Variants in VPS13B observed in about 807,000 individuals in gnomAD.
VPS13B encodes the protein vacuolar protein sorting 13 homolog B, also known as intermembrane lipid transfer protein VPS13B.
In VPS13B, 285 loss-of-function variants were observed where a neutral mutation model predicts 426.4. The observed-to-expected ratio is 0.67, with a 90% CI of 0.61 to 0.74. The LOEUF is 0.74. Ranked by LOEUF, VPS13B falls within the 30% of genes least tolerant of loss-of-function variation. VPS13B has a pLI of 0.00. For missense variants in VPS13B, 4,537 were observed against 4,782.6 expected, an observed-to-expected ratio of 0.95 and a Z score of 1.51; for synonymous variants, 1,676 against 1,676.4, an observed-to-expected ratio of 1.00 and a Z score of 0.01.
At chr8:99,286,480 A>G (rs1260519894) in intron 19 of VPS13B, among the ~76,000 whole-genome samples, 1 of 152,196 alleles carries the variant, frequency 6.6e-6, no homozygotes, top group Non-Finnish European at 1.5e-5. Context: ...TAATATCAAA[A>G]TAGATTTGGA....
rs149619035 is a variant in VPS13B, at chr8:99,422,337, A to G, written c.3083-9200A>G. Among the ~76,000 whole-genome samples the G allele has an allele frequency of 1.1e-3, 169 of 152,276 alleles. 2 individuals carry two copies. Among genetic ancestry groups the G allele is most frequent in the African/African-American group, 3.6e-3 (150 of 41,552 alleles). ...AGAGAACATAGTATTTACAAAAAAC[A>G]TGTAGCTGTTTTGGTTAGTGGCGAC... On this transcript the variant is annotated intron_variant, in intron 21 of 61. Transcript: ENST00000357162.
intron 8 of VPS13B, among the ~76,000 whole-genome samples, chr8:99,128,471 T>G (rs1809569303): frequency 6.9e-6 from 1 of 145,956 alleles, no homozygotes; most frequent in Non-Finnish European, 1.5e-5. Flanking sequence ...GTATGTTTTC[T>G]ACAAATATTT....
chr8:99,502,917 TAGAG>T lies in VPS13B; in HGVS notation c.4127_4130del (p.Glu1376ValfsTer32). ...GTATATACCAAAGTGAAATGTAAAA[TAGAG>T]AGTTTCAATATTGATCACTATAGAA... is the stretch of plus-strand genomic sequence containing the variant. On this transcript the variant is annotated frameshift_variant, in exon 27 of 62. Transcript: ENST00000357162. LOFTEE classifies it high-confidence loss of function. 6.2e-7 allele frequency: 1 copy of T among 1,612,396 alleles called. No individual in the cohort carries two copies. The highest frequency in any genetic ancestry group is 8.5e-7 in the Non-Finnish European group (1 of 1,178,814).
At position 99,143,147 on chromosome 8, in the gene VPS13B, T is replaced by C. The variant is rs138171489; in HGVS notation, c.1825T>C (p.Tyr609His). The C allele has an allele frequency of 1.8e-4, 290 of 1,614,022 alleles. 2 individuals are homozygous for C. The East Asian group carries it at 6.4e-3, about 36-fold the overall frequency. ...TGCCTTGGAACATGAATATGAACCA[T>C]ATAGCAGGCTAAAATCAGGTTTGTT... is the stretch of plus-strand genomic sequence containing the variant. ...VCALEHEYEPYSRLKSDIKDE... is the reference protein window; with the variant it reads ...VCALEHEYEPHSRLKSDIKDE... The change falls in exon 13 of 62, where the codon TAT (tyrosine) becomes CAT (histidine). Residue 609 changes from tyrosine to histidine, a missense_variant. Physicochemically the swap from Tyr to His is moderately conservative, Grantham distance 83. This residue lies in a region of VPS13B where 4,311 missense variants were observed against 4,474.3 expected (regional missense o/e 0.96). Transcript: ENST00000357162.
chr8:99,855,092 G>A (rs1031772284), intron 56 of VPS13B, among the ~76,000 whole-genome samples: 1 of 152,122 alleles, frequency 6.6e-6, no homozygotes, highest in Non-Finnish European at 1.5e-5. Flanking sequence ...GCAACTGGTG[G>A]ATAGCAGGCG....
chr8:99,522,118 G>C (rs1456109614), intron 30 of VPS13B, among the ~76,000 whole-genome samples: 1 of 152,072 alleles, frequency 6.6e-6, no homozygotes, highest in Non-Finnish European at 1.5e-5. Flanking sequence ...AGTTGTCCCT[G>C]GTGAAAGAGT....
intron 21 of VPS13B, among the ~76,000 whole-genome samples, chr8:99,412,615 G>A (rs954067707): frequency 2.0e-5 from 3 of 152,172 alleles, no homozygotes; most frequent in Non-Finnish European, 2.9e-5. Context: ...ATGTGGAATA[G>A]GAGTGGTAAG....
At chr8:99,543,595 A>T (rs1286116713) in intron 30 of VPS13B, among the ~76,000 whole-genome samples, 52 of 149,838 alleles carry the variant, frequency 3.5e-4, no homozygotes, top group Middle Eastern at 3.4e-3. Context: ...GAATCTACAA[A>T]GAACTCAAAC....
chr8:99,653,465 A>ATTT (rs34923754), intron 34 of VPS13B, among the ~76,000 whole-genome samples: 2 of 136,866 alleles, frequency 1.5e-5, no homozygotes. Flanking sequence ...ATGTGACTTC[A>ATTT]TTTTTTTTTT....
chr8:99,534,265 T>C (rs1050438466), intron 30 of VPS13B, among the ~76,000 whole-genome samples: 1 of 152,222 alleles, frequency 6.6e-6, no homozygotes, highest in African/African-American at 2.4e-5. Context: ...TAGGTTTCCA[T>C]GAATATGGTT....
chr8:99,476,728 C>A (rs1349294924), intron 24 of VPS13B, among the ~76,000 whole-genome samples: 1 of 151,876 alleles, frequency 6.6e-6, no homozygotes, highest in Non-Finnish European at 1.5e-5. Context: ...CTTAATTAAG[C>A]AAAAATAACT....
At chr8:99,252,558 G>A (rs1291311987) in intron 17 of VPS13B, among the ~76,000 whole-genome samples, 1 of 151,842 alleles carries the variant, frequency 6.6e-6, no homozygotes, top group African/African-American at 2.4e-5. Context: ...TTAGTTGATG[G>A]CATTTTTAAC....
chr8:99,414,919 G>A (rs535024840), intron 21 of VPS13B, among the ~76,000 whole-genome samples: 11 of 152,158 alleles, frequency 7.2e-5, no homozygotes, highest in African/African-American at 2.4e-4. Flanking sequence ...TCTTTGTGAT[G>A]TTCTCTGTAT....
At chr8:99,226,513 A>G (rs1816027136) in intron 17 of VPS13B, among the ~76,000 whole-genome samples, 2 of 152,196 alleles carry the variant, frequency 1.3e-5, no homozygotes, top group East Asian at 3.8e-4. Flanking sequence ...ATTGTTTCTT[A>G]GATACAGCAT....
At chr8:99,374,715 C>A (rs1166352707) in intron 19 of VPS13B, among the ~76,000 whole-genome samples, 1 of 152,118 alleles carries the variant, frequency 6.6e-6, no homozygotes, top group African/African-American at 2.4e-5. Flanking sequence ...TGGTCTTTGG[C>A]TTTTATTCCA....
At position 99,555,391 on chromosome 8, in the gene VPS13B, C is replaced by T. The variant is rs572034552; in HGVS notation, c.4746-1059C>T. On this transcript the variant is annotated intron_variant, in intron 30 of 61. Transcript: ENST00000357162. Reference sequence around the variant, plus strand: ...CCCATCACCTCCCAATAATAAGTTTCGTTAGTGTTCAACTGATGTAATTAA... The same window carrying T: ...CCCATCACCTCCCAATAATAAGTTTTGTTAGTGTTCAACTGATGTAATTAA... 5.3e-5 allele frequency among the ~76,000 whole-genome samples: 8 copies of T among 152,176 alleles called. No individual in the cohort carries two copies. In the South Asian group the frequency reaches 1.2e-3, roughly 24 times the overall value.
intron 30 of VPS13B, among the ~76,000 whole-genome samples, chr8:99,551,409 T>G (rs757312593): frequency 5.3e-5 from 8 of 152,050 alleles, no homozygotes; most frequent in Non-Finnish European, 1.0e-4. Flanking sequence ...AAACAGAATA[T>G]TGATTGATTT....
chr8:99,290,235 G>T (rs1819655182), intron 19 of VPS13B, among the ~76,000 whole-genome samples: 1 of 152,050 alleles, frequency 6.6e-6, no homozygotes, highest in South Asian at 2.1e-4. Flanking sequence ...ATTCACAATA[G>T]CAAAGACTTG....
At chr8:99,451,347 C>T (rs1818187343) in intron 23 of VPS13B, among the ~76,000 whole-genome samples, 2 of 152,092 alleles carry the variant, frequency 1.3e-5, no homozygotes, top group Non-Finnish European at 1.5e-5. Context: ...ATTCATTCAA[C>T]AAATACATAT....
Sources: allele counts gnomAD v4.1 joint callset (sites outside exome capture counted in the v4.1 genomes callset), GRCh38; gene constraint gnomAD v4.1.1; regional missense constraint gnomAD v4.1.1; transcripts MANE v1.5; gene names NCBI Gene and HGNC (gene_info 2026-07-23, HGNC 2026-07-21).